The following TRIM31 variants were observed in gnomAD, a reference collection of about 807,000 sequenced individuals.
TRIM31 encodes tripartite motif containing 31, also known as E3 ubiquitin-protein ligase TRIM31.
TRIM31 carries 31 observed loss-of-function variants against 40.6 expected under a neutral mutation model. The observed-to-expected ratio is 0.76, with a 90% confidence interval of 0.57 to 1.03. TRIM31 has a LOEUF of 1.03. TRIM31 is among the 50% of genes least tolerant of loss of function. The pLI, the probability that TRIM31 is intolerant of heterozygous loss-of-function variation, is 0.00. For synonymous variants in TRIM31, 164 were observed against 193.9 expected (o/e 0.85, Z 1.28); for missense variants, 455 against 497.5 (o/e 0.91, Z 0.81).
intron 7 of TRIM31, among the ~76,000 whole-genome samples, chr6:30,104,867 A>G (rs930785443): frequency 5.3e-5 from 8 of 152,138 alleles, no homozygotes; most frequent in African/African-American, 1.9e-4. Flanking sequence ...AGGGGCAGCA[A>G]ATACTACAGA....
chr6:30,110,886 A>T (rs886590359), intron 3 of TRIM31, among the ~76,000 whole-genome samples: 1 of 152,240 alleles, frequency 6.6e-6, no homozygotes, highest in Non-Finnish European at 1.5e-5. Flanking sequence ...TTATTAATTT[A>T]TGGTTTACCA....
chr6:30,110,674 T>C lies in TRIM31; in HGVS notation c.518A>G (p.Gln173Arg). 6.2e-7 allele frequency: 1 copy of C among 1,614,100 alleles called. No individual in the cohort carries two copies. Among genetic ancestry groups the C allele is most frequent in the Admixed American group, 1.7e-5 (1 of 59,990 alleles). ...GATCCTTTGCTTCTCATGTTCTACC[T>C]GGTCCTAAGAAACAGGGACAGGCAG... is the stretch of plus-strand genomic sequence containing the variant. ...GVHRVDVFTD[Q>R]VEHEKQRILT... Residue 173 changes from glutamine (Q) to arginine (R), a missense_variant, in exon 4 of 9, where the codon CAG (glutamine) becomes CGG (arginine). Gln to Arg is a conservative substitution (Grantham distance 43, BLOSUM62 1). Coordinates refer to ENST00000376734, the MANE Select transcript of TRIM31 (RefSeq NM_007028.5).
Position 30,110,673 on chromosome 6 carries a change from C to G in TRIM31, c.519G>C (p.Gln173His), listed in dbSNP as rs894149094. The G allele has an allele frequency of 1.9e-6, 3 of 1,613,928 alleles. No homozygotes were observed. Among genetic ancestry groups the G allele is most frequent in the Non-Finnish European group, 2.5e-6 (3 of 1,179,990 alleles). Residue 173 changes from glutamine to histidine, a missense_variant, in exon 4 of 9, where the codon CAG becomes CAC. Physicochemically the swap from Gln to His is conservative, Grantham distance 24. Coordinates refer to ENST00000376734, the MANE Select transcript of TRIM31 (RefSeq NM_007028.5). ...GGATCCTTTGCTTCTCATGTTCTAC[C>G]TGGTCCTAAGAAACAGGGACAGGCA... The part of the protein sequence containing the change: ...GVHRVDVFTD[Q>H]VEHEKQRILT...
chr6:30,109,188 C>T (rs1562043248), intron 4 of TRIM31, 140 bp from the exon 5 acceptor site: 1 of 787,910 alleles, frequency 1.3e-6, no homozygotes, highest in Non-Finnish European at 2.2e-6. Flanking sequence ...CCATCCTCCT[C>T]CCCTCTCCCC....
rs767058142 is a variant in TRIM31, at chr6:30,110,588, G to T, written c.604C>A (p.Arg202=). 6.2e-7 allele frequency: 1 copy of T among 1,614,196 alleles called. No homozygotes were observed. Among genetic ancestry groups the T allele is most frequent in the South Asian group, 1.1e-5 (1 of 91,090 alleles). The change falls in exon 4 of 9, where the codon CGG becomes AGG. Residue 202 remains arginine, a synonymous_variant. Transcript: ENST00000376734. ...LEEEKNFLLS[R]IYWLGHEGTE... is the part of the protein sequence containing the mutation. The stretch of plus-strand genomic sequence containing the variant: ...CCCTCATGACCCAGCCAGTAAATCC[G>T]TGATAGCAGGAAATTCTTCTCCTCC...
Position 30,105,260 on chromosome 6 carries a change from G to A in TRIM31, c.884-18C>T, listed in dbSNP as rs148862030. The stretch of plus-strand genomic sequence containing the variant: ...GAGTTGGTCTGGGGAATAAAGAATG[G>A]GATGAAATGGTGAGAGTCCAGAGGG... On this transcript the variant is annotated intron_variant, in intron 6 of 8. Transcript: ENST00000376734. 1.3e-4 allele frequency: 201 copies of A among 1,603,924 alleles called. 1 individual carries two copies. The African/African-American group carries it at 2.2e-3, about 17-fold the overall frequency.
chr6:30,113,016 G>A (rs1463934025), intron 1 of TRIM31, 48 bp downstream of exon 1: 3 of 529,076 alleles, frequency 5.7e-6, no homozygotes, highest in African/African-American at 1.9e-5. Flanking sequence ...GTAAAATTTA[G>A]GATCTAGAAA....
At position 30,110,555 on chromosome 6, in the gene TRIM31, C is replaced by T. The variant is rs1003952845; in HGVS notation, c.637G>A (p.Ala213Thr). 1 of 1,614,080 alleles carries T rather than the reference C, an allele frequency of 6.2e-7. No homozygotes were observed. The highest frequency in any genetic ancestry group is 1.3e-5 in the African/African-American group (1 of 74,916). ...GTGGAGGCAACATAGTGTTTCCCCG[C>T]TTCCGTTCCCTCATGACCCAGCCAG... ...IYWLGHEGTE[A>T]GKHYVASTEP... The change falls in exon 4 of 9, where the codon GCG (alanine) becomes ACG (threonine). Residue 213 changes from alanine to threonine, a missense_variant. Ala to Thr is a moderately conservative substitution (Grantham distance 58). Coordinates refer to ENST00000376734, the MANE Select transcript of TRIM31 (RefSeq NM_007028.5).
chr6:30,103,898 G>A (rs1271115158), intron 8 of TRIM31, 109 bp from the exon 9 acceptor site: 1 of 1,529,952 alleles, frequency 6.5e-7, no homozygotes, highest in African/African-American at 1.4e-5. Flanking sequence ...AGGGATGGAG[G>A]TGAAACTCAA....
In TRIM31 at chr6:30,110,458, T is replaced by C. The variant is rs138900010; in HGVS notation, c.734A>G (p.Gln245Arg). The C allele has an allele frequency of 1.6e-3, 2,640 of 1,614,156 alleles. 26 individuals carry two copies. The African/African-American group carries it at 0.025, about 15-fold the overall frequency. Residue 245 changes from glutamine to arginine, a missense_variant, in exon 4 of 9, where the codon CAG becomes CGG. By Grantham distance (43) the Gln-to-Arg change is conservative (BLOSUM62 1). Transcript: ENST00000376734. ...CCCCAAGGGACTCACCTCCAGCAGCTGCCTGGGTGGCATGTTCTGCTTGGT... is the reference window on the plus strand; with the variant it reads ...CCCCAAGGGACTCACCTCCAGCAGCCGCCTGGGTGGCATGTTCTGCTTGGT... ...LKTKQNMPPRQLLEDIKVVLC... is the reference protein window; with the variant it reads ...LKTKQNMPPRRLLEDIKVVLC...
chr6:30,112,225 G>A, intron 2 of TRIM31, 164 bp downstream of exon 2: 1 of 696,496 alleles, frequency 1.4e-6, no homozygotes, highest in Non-Finnish European at 2.4e-6. Context: ...CAGTTCCCCA[G>A]ACTCAGCTCT....
At chr6:30,111,490 C>A in intron 3 of TRIM31, 158 bp downstream of exon 3, 1 of 678,882 alleles carries the variant, frequency 1.5e-6, no homozygotes. Flanking sequence ...GAGGCCGACG[C>A]GGGAGGTGAT....
At chr6:30,107,908 G>A (rs1012397350) in intron 6 of TRIM31, 145 bp downstream of exon 6, 18 of 624,536 alleles carry the variant, frequency 2.9e-5, no homozygotes, top group African/African-American at 1.5e-4. Context: ...ATACTGATGC[G>A]TGGAAAGTAC....
chr6:30,107,168 G>A (rs1046820894), intron 6 of TRIM31, among the ~76,000 whole-genome samples: 4 of 152,158 alleles, frequency 2.6e-5, no homozygotes, highest in African/African-American at 9.7e-5. Context: ...CAGTGGGGTG[G>A]GAGGAGCTAG....
rs1159309822 is a variant in TRIM31, at chr6:30,103,631, T to A, written c.1183A>T (p.Thr395Ser). The change falls in exon 9 of 9, where the codon ACA becomes TCA. Residue 395 changes from threonine (T) to serine (S), a missense_variant. Thr to Ser is a moderately conservative substitution (Grantham distance 58). Transcript: ENST00000376734. ...TCCTCGGACAGCGCAACGTCAAATG[T>A]CTTCGTATCCTGAGAGCTCGCTCCT... ...GQGASSQDTKTFDVALSEELH... is the reference protein window; with the variant it reads ...GQGASSQDTKSFDVALSEELH... 46 of 1,612,912 alleles carry A rather than the reference T, an allele frequency of 2.9e-5. No individual in the cohort carries two copies. The highest frequency in any genetic ancestry group is 4.0e-5 in the African/African-American group (3 of 74,890).
chr6:30,108,086 C>T lies in TRIM31; in HGVS notation c.850G>A (p.Asp284Asn), dbSNP rs548070214. 1.4e-5 allele frequency: 22 copies of T among 1,609,682 alleles called. No homozygotes were observed. Among genetic ancestry groups the T allele is most frequent in the Admixed American group, 5.0e-5 (3 of 59,976 alleles). The stretch of plus-strand genomic sequence containing the variant: ...TTTTTTAGGCTCCCTGTGATGGAGT[C>T]ATGTCTTGATTTTGCTTCACTGAGT... ...KKLSEAKSRH[D>N]SITGSLKKFK... Residue 284 changes from aspartate (D) to asparagine (N), a missense_variant, in exon 6 of 9, where the codon GAC becomes AAC. Physicochemically the swap from Asp to Asn is conservative, Grantham distance 23. Coordinates refer to ENST00000376734, the MANE Select transcript of TRIM31 (RefSeq NM_007028.5).
chr6:30,108,925 G>C, intron 5 of TRIM31, 101 bp downstream of exon 5: 1 of 1,247,670 alleles, frequency 8.0e-7, no homozygotes, highest in Non-Finnish European at 1.2e-6. Context: ...GAGGTGGGTG[G>C]GTATTTCTGA....
Position 30,112,728 on chromosome 6 carries a change from AG to A in TRIM31, c.77del (p.Pro26LeufsTer35). On this transcript the variant is annotated frameshift_variant, in exon 2 of 9. Transcript: ENST00000376734. LOFTEE classifies it high-confidence loss of function. ...AATTGTGCCCACAGTCGATGGTGAC[AG>A]GTTTCTGCAGAATGTCCAGGCAGAT... is the stretch of plus-strand genomic sequence containing the variant. ...CPICLDILQK[P>X]VTIDCGHNFC... 1.2e-6 allele frequency: 2 copies of A among 1,613,120 alleles called. No homozygotes were observed. The highest frequency in any genetic ancestry group is 2.2e-5 in the South Asian group (2 of 91,086).
chr6:30,109,061 G>GAGAAAC lies in TRIM31; in HGVS notation c.745-19_745-14dup. ...CGACTTTGATATCCTAGAAGAGAAA[G>GAGAAAC]AGAAACAGCACAGCCTCAGCACTTG... On this transcript the variant is annotated splice_polypyrimidine_tract_variant and intron_variant, in intron 4 of 8. Coordinates refer to ENST00000376734, the MANE Select transcript of TRIM31 (RefSeq NM_007028.5). The GAGAAAC allele has an allele frequency of 6.2e-7, 1 of 1,612,952 alleles. No homozygotes were observed. The highest frequency in any genetic ancestry group is 8.5e-7 in the Non-Finnish European group (1 of 1,180,016).
Sources: gnomAD v4.1 joint callset for allele counts (sites outside exome capture counted in the v4.1 genomes callset) on GRCh38, gnomAD v4.1.1 for gene constraint, MANE v1.5 for transcripts, NCBI Gene and HGNC (gene_info 2026-07-23, HGNC 2026-07-21) for gene names.